RGS3: variants seen among roughly 807,000 people sequenced by gnomAD.
RGS3 encodes regulator of G protein signaling 3, also known as regulator of G-protein signalling 3.
Under a neutral mutation model 132.6 loss-of-function variants are expected in RGS3, and 80 were observed. The observed-to-expected ratio is 0.60, with a 90% CI of 0.50 to 0.73. RGS3 has a LOEUF of 0.73. Ranked by LOEUF, RGS3 falls within the 30% of genes least tolerant of loss-of-function variation. The probability of loss-of-function intolerance (pLI) is 0.00; values close to 1 mark genes in which losing one functional copy is unlikely to be tolerated. For synonymous variants in RGS3, 598 were observed against 620.6 expected (o/e 0.96, Z 0.54); for missense variants, 1,382 against 1,530.8 (o/e 0.90, Z 1.62).
At chr9:113,465,715 AT>A (rs1291434763) in intron 3 of RGS3, among the ~76,000 whole-genome samples, 1 of 152,114 alleles carries the variant, frequency 6.6e-6, no homozygotes, top group African/African-American at 2.4e-5. Context: ...TCTGATGGGT[AT>A]CAGGGAAGGC....
chr9:113,461,929 C>T (rs1829480191), intron 2 of RGS3: 3 of 1,592,028 alleles, frequency 1.9e-6, no homozygotes, highest in African/African-American at 1.3e-5. Context: ...TTCCTGAACA[C>T]CATGCTTTCT....
chr9:113,512,091 G>C (rs929253966), intron 14 of RGS3, among the ~76,000 whole-genome samples: 2 of 152,158 alleles, frequency 1.3e-5, no homozygotes, highest in African/African-American at 2.4e-5. Flanking sequence ...GCAGCAATCA[G>C]TATTATCTCC....
chr9:113,574,914 C>T (rs961735851), intron 19 of RGS3, among the ~76,000 whole-genome samples: 1 of 152,158 alleles, frequency 6.6e-6, no homozygotes, highest in Non-Finnish European at 1.5e-5. Context: ...TAGGAACCCC[C>T]CTGCTCTCAA....
chr9:113,516,840 G>A (rs1013859621), intron 15 of RGS3, among the ~76,000 whole-genome samples: 1 of 152,160 alleles, frequency 6.6e-6, no homozygotes, highest in Admixed American at 6.5e-5. Context: ...GGGATTTCAG[G>A]TCCAGCTTGC....
chr9:113,469,028 T>C (rs1829738395), intron 3 of RGS3, among the ~76,000 whole-genome samples: 1 of 151,546 alleles, frequency 6.6e-6, no homozygotes, highest in Non-Finnish European at 1.5e-5. Flanking sequence ...AGGAGTGTCA[T>C]TGATTTGCTC....
intron 19 of RGS3, among the ~76,000 whole-genome samples, chr9:113,538,096 A>G (rs992507282): frequency 3.3e-5 from 5 of 152,256 alleles, no homozygotes; most frequent in African/African-American, 9.6e-5. Context: ...TGTCCCCATC[A>G]GTAACCTGGG....
At position 113,506,380 on chromosome 9, in the gene RGS3, C is replaced by T. The variant is rs1425266835; in HGVS notation, c.980-8C>T. On this transcript the variant is annotated splice_polypyrimidine_tract_variant and splice_region_variant and intron_variant, in intron 11 of 24. Coordinates refer to ENST00000350696, the Ensembl canonical transcript of RGS3. The surrounding 1 kb of genome is among the most constrained non-coding windows in gnomAD (Gnocchi z 4.7). ...GGGCCCCTGAATGGCTTTTCTTTGT[C>T]CCTGCAGGGGGTCCGGCGGAACGGG... The T allele has an allele frequency of 6.4e-7, 1 of 1,572,790 alleles. No homozygotes were observed.
At chr9:113,581,013 G>T (rs1235138927) in intron 19 of RGS3, 3 of 982,816 alleles carry the variant, frequency 3.1e-6, no homozygotes, top group South Asian at 9.4e-5. Context: ...GAGGCAGGTG[G>T]CTGGGCCAGG....
chr9:113,592,950 T>G (rs1466143164), intron 21 of RGS3: 2 of 152,280 alleles, frequency 1.3e-5, no homozygotes. Context: ...CGTTCTGTTC[T>G]TTCTTATTGA....
At chr9:113,585,203 A>C (rs548883006) in intron 20 of RGS3, among the ~76,000 whole-genome samples, 20 of 152,386 alleles carry the variant, frequency 1.3e-4, no homozygotes, top group African/African-American at 4.8e-4. Flanking sequence ...AACAGTGAAC[A>C]GATTGCGCCA....
chr9:113,453,037 TA>T (rs1477172868), intron 1 of RGS3, among the ~76,000 whole-genome samples: 1 of 132,720 alleles, frequency 7.5e-6, no homozygotes, highest in Non-Finnish European at 1.5e-5. Flanking sequence ...ATATATAATA[TA>T]TATAATATAT....
At chr9:113,563,475 A>G (rs1041817622) in intron 19 of RGS3, among the ~76,000 whole-genome samples, 3 of 152,286 alleles carry the variant, frequency 2.0e-5, no homozygotes, top group East Asian at 3.9e-4. Context: ...ATCTTATCCC[A>G]CACACCAGAA....
At chr9:113,548,702 C>A (rs565097346) in intron 19 of RGS3, among the ~76,000 whole-genome samples, 1 of 152,340 alleles carries the variant, frequency 6.6e-6, no homozygotes, top group Non-Finnish European at 1.5e-5. Context: ...GGCGAGGAGG[C>A]CCTGGAGGCC....
At chr9:113,490,887 A>T (rs1256974060) in intron 7 of RGS3, among the ~76,000 whole-genome samples, 4 of 131,840 alleles carry the variant, frequency 3.0e-5, no homozygotes, top group African/African-American at 1.2e-4. Context: ...ATATAATTAT[A>T]TATAACCTAA....
chr9:113,495,231 C>G (rs1307543918), intron 7 of RGS3, among the ~76,000 whole-genome samples: 2 of 152,110 alleles, frequency 1.3e-5, no homozygotes, highest in African/African-American at 4.8e-5. Context: ...GTCTGACATC[C>G]CCATGAGGCC....
At chr9:113,485,156 C>T (rs1210413467) in intron 6 of RGS3, among the ~76,000 whole-genome samples, 4 of 151,966 alleles carry the variant, frequency 2.6e-5, no homozygotes, top group African/African-American at 7.3e-5. Context: ...GGCACAATCT[C>T]GGCTCACTGT....
chr9:113,549,168 G>C (rs1833230926), intron 19 of RGS3, among the ~76,000 whole-genome samples: 1 of 152,234 alleles, frequency 6.6e-6, no homozygotes, highest in Non-Finnish European at 1.5e-5. Flanking sequence ...CAGGTTTAGA[G>C]ACAGACAGGC....
chr9:113,518,978 A>C (rs1831807927), intron 16 of RGS3, among the ~76,000 whole-genome samples: 1 of 152,182 alleles, frequency 6.6e-6, no homozygotes. Flanking sequence ...CCTGAAACAT[A>C]TACATAAGTC....
rs1195271309 is a variant in RGS3 at position 113,562,092 on chromosome 9, G to A, written c.2038-21358G>A. On this transcript the variant is annotated intron_variant, in intron 19 of 24. Coordinates refer to ENST00000350696, the Ensembl canonical transcript of RGS3. ...GGTGCAGGACACAGTGGAAAGTGAA[G>A]TGGGCTTCATCTGTAGCCCTGAACT... Among the ~76,000 whole-genome samples the A allele has an allele frequency of 5.3e-5, 8 of 152,208 alleles. No homozygotes were observed. In the East Asian group the frequency reaches 1.5e-3, roughly 29 times the overall value.
Sources: allele counts gnomAD v4.1 joint callset (sites outside exome capture counted in the v4.1 genomes callset), GRCh38; gene constraint gnomAD v4.1.1; non-coding constraint Gnocchi (gnomAD v3.1); transcripts MANE v1.5; gene names NCBI Gene and HGNC (gene_info 2026-07-23, HGNC 2026-07-21).